Variants in SLC19A3 observed in about 807,000 individuals in gnomAD.
SLC19A3 encodes thiamine transporter 2.
In SLC19A3, 31 loss-of-function variants were observed where a neutral mutation model predicts 40.2. That is an observed-to-expected ratio of 0.77 (90% CI 0.58 to 1.04). The LOEUF is 1.04. Ranked by LOEUF, SLC19A3 falls within the 50% of genes least tolerant of loss-of-function variation. The probability of loss-of-function intolerance (pLI) is 0.00; values close to 1 mark genes in which losing one functional copy is unlikely to be tolerated. For missense variants in SLC19A3, 592 were observed against 596.7 expected (o/e 0.99, Z 0.08); for synonymous variants, 212 against 227.5 (o/e 0.93, Z 0.61).
At chr2:227,711,777 C>T (rs550807515) in intron 1 of SLC19A3, among the ~76,000 whole-genome samples, 1 of 151,834 alleles carries the variant, frequency 6.6e-6, no homozygotes, top group South Asian at 2.1e-4. Context: ...AGGCTGGGCA[C>T]CGTGGCTCAT....
At chr2:227,701,192 C>T in intron 2 of SLC19A3, 2 of 893,452 alleles carry the variant, frequency 2.2e-6, no homozygotes, top group Non-Finnish European at 3.1e-6. Context: ...CACCTCACCA[C>T]CCGAGGCACC....
chr2:227,698,764 C>T lies in SLC19A3; in HGVS notation c.951G>A (p.Gly317=). The T allele has an allele frequency of 6.2e-7, 1 of 1,613,952 alleles. No homozygotes were observed. The highest frequency in any genetic ancestry group is 1.3e-5 in the African/African-American group (1 of 75,038). ...APSQDSSIYN[G]AVEAIATFGG... is the part of the protein sequence containing the mutation. Reference sequence around the variant, plus strand: ...CAAAGGTTGCAATAGCTTCTACGGCCCCATTATAGATGGAAGAATCTTGGG... The same window carrying T: ...CAAAGGTTGCAATAGCTTCTACGGCTCCATTATAGATGGAAGAATCTTGGG... The change falls in exon 3 of 6, where the codon GGG becomes GGA. Residue 317 remains glycine (G), a synonymous_variant. Transcript: ENST00000644224.
intron 1 of SLC19A3, among the ~76,000 whole-genome samples, chr2:227,705,034 T>G (rs970687305): frequency 6.6e-6 from 1 of 152,026 alleles, no homozygotes. Flanking sequence ...GCACCCACCA[T>G]GCCTGGCTAA....
intron 4 of SLC19A3, among the ~76,000 whole-genome samples, chr2:227,692,529 C>A (rs1448090658): frequency 6.6e-6 from 1 of 152,118 alleles, no homozygotes; most frequent in Non-Finnish European, 1.5e-5. Flanking sequence ...CCTCAAAAAA[C>A]TGGGTATAGA....
intron 1 of SLC19A3, among the ~76,000 whole-genome samples, chr2:227,707,225 T>C (rs929267285): frequency 2.6e-5 from 4 of 152,230 alleles, no homozygotes; most frequent in African/African-American, 9.7e-5. Context: ...CACCTTTGCA[T>C]TGCAAGTGGT....
At chr2:227,707,245 TG>T (rs1428175679) in intron 1 of SLC19A3, among the ~76,000 whole-genome samples, 1 of 152,234 alleles carries the variant, frequency 6.6e-6, no homozygotes, top group Non-Finnish European at 1.5e-5. Flanking sequence ...TCACTTCAGT[TG>T]CCTTGGAACT....
chr2:227,685,263 C>T lies in SLC19A3; in HGVS notation c.*2134G>A, dbSNP rs146051563. On this transcript the variant is annotated 3_prime_UTR_variant, in exon 6 of 6. Coordinates refer to ENST00000644224, the MANE Select transcript of SLC19A3 (RefSeq NM_025243.4). Reference sequence around the variant, plus strand: ...CTCACAGGCTATATAGGAAGCGTGGCAACATCTGCTTCTAGGGAGTCCTCG... The same window carrying T: ...CTCACAGGCTATATAGGAAGCGTGGTAACATCTGCTTCTAGGGAGTCCTCG... The T allele has an allele frequency of 3.9e-5, 6 of 152,244 alleles. No homozygotes were observed. The highest frequency in any genetic ancestry group is 1.2e-4 in the African/African-American group (5 of 41,536). The allele number at this position is 152,244 out of a possible 1,614,324, so 9.4% of individuals were successfully genotyped here. A position where few individuals can be genotyped will look rare whatever the true frequency, so the allele number is the denominator to read the frequency against.
Position 227,687,413 on chromosome 2 carries a change from A to G in SLC19A3, c.1475T>C (p.Met492Thr), listed in dbSNP as rs192876801. The part of the protein sequence containing the change: ...SHPEEESNII[M>T]STKL The stretch of plus-strand genomic sequence containing the variant: ...GCGATGAGGTTAGAGTTTTGTTGAC[A>G]TGATGATATTACTCTCTTCCTCTGG... The change falls in exon 6 of 6, where the codon ATG becomes ACG. Residue 492 changes from methionine to threonine, a missense_variant. Transcript: ENST00000644224. The G allele has an allele frequency of 6.2e-7, 1 of 1,610,114 alleles. No homozygotes were observed. Among genetic ancestry groups the G allele is most frequent in the Admixed American group, 1.7e-5 (1 of 59,712 alleles).
At position 227,701,847 on chromosome 2, in the gene SLC19A3, C is replaced by T. The variant is rs1206387989; in HGVS notation, c.150+322G>A. 14 of 263,434 alleles carry T rather than the reference C, an allele frequency of 5.3e-5. No homozygotes were observed. In the East Asian group the frequency reaches 1.2e-3, roughly 22 times the overall value. 16.3% of individuals were successfully genotyped at this position (263,434 alleles called of 1,614,324 possible). A position where few individuals can be genotyped will look rare whatever the true frequency, so the allele number is the denominator to read the frequency against. On this transcript the variant is annotated intron_variant, in intron 2 of 5. Coordinates refer to ENST00000644224, the MANE Select transcript of SLC19A3 (RefSeq NM_025243.4). The stretch of plus-strand genomic sequence containing the variant: ...CTGAGAGTTTATTTAGATCTAGATC[C>T]TGTGCCTGCCAGTGATGCTATTTTA...
intron 1 of SLC19A3, among the ~76,000 whole-genome samples, chr2:227,712,646 A>G (rs1299828096): frequency 1.3e-5 from 2 of 152,356 alleles, no homozygotes; most frequent in Admixed American, 6.5e-5. Context: ...TCATATATTT[A>G]TATTTGTGAA....
At position 227,718,017 on chromosome 2, in the gene SLC19A3, C is replaced by A; in HGVS notation, c.-77G>T. 2.0e-6 allele frequency: 2 copies of A among 985,208 alleles called. No homozygotes were observed. The highest frequency in any genetic ancestry group is 2.4e-6 in the Non-Finnish European group (2 of 829,720). The allele number at this position is 985,208 out of a possible 1,614,324, so 61.0% of individuals were successfully genotyped here. On this transcript the variant is annotated 5_prime_UTR_variant, in exon 1 of 6. Coordinates refer to ENST00000644224, the MANE Select transcript of SLC19A3 (RefSeq NM_025243.4). ...ACGCACCCGCGGCTGTCGGATGGAT[C>A]CAGGCGCTCTTGGTGGGAAGGGGGC... is the stretch of plus-strand genomic sequence containing the variant.
At position 227,687,049 on chromosome 2, in the gene SLC19A3, T is replaced by G. The variant is rs112957132; in HGVS notation, c.*348A>C. ...AGTTAGTATTTCTCCTCACAAATGG[T>G]GAATATCAACTCCAGGATGGCTGGA... is the stretch of plus-strand genomic sequence containing the variant. On this transcript the variant is annotated 3_prime_UTR_variant, in exon 6 of 6. Transcript: ENST00000644224. 539 of 201,124 alleles carry G rather than the reference T, an allele frequency of 2.7e-3. 3 individuals carry two copies. The highest frequency in any genetic ancestry group is 0.011 in the African/African-American group (489 of 42,948). The allele number at this position is 201,124 out of a possible 1,614,324, so 12.5% of individuals were successfully genotyped here. A position where few individuals can be genotyped will look rare whatever the true frequency, so the allele number is the denominator to read the frequency against.
intron 4 of SLC19A3, among the ~76,000 whole-genome samples, chr2:227,693,931 T>C (rs1444190502): frequency 2.6e-5 from 4 of 152,212 alleles, no homozygotes; most frequent in Non-Finnish European, 4.4e-5. Flanking sequence ...CAGATGTTTC[T>C]TTAAAGGCAT....
At chr2:227,698,239 C>A (rs1695518878) in intron 3 of SLC19A3, among the ~76,000 whole-genome samples, 1 of 151,852 alleles carries the variant, frequency 6.6e-6, no homozygotes, top group Non-Finnish European at 1.5e-5. Flanking sequence ...AGGCTCACTG[C>A]AAGCTCAGCC....
At chr2:227,698,693 G>GC (rs764110776) in intron 3 of SLC19A3, 43 bp downstream of exon 3, 8 of 1,539,920 alleles carry the variant, frequency 5.2e-6, no homozygotes, top group Non-Finnish European at 7.2e-6. Flanking sequence ...ATGGACTTAA[G>GC]CGGGTAAAGC....
intron 3 of SLC19A3, among the ~76,000 whole-genome samples, chr2:227,697,498 T>A (rs1695482828): frequency 6.6e-6 from 1 of 152,148 alleles, no homozygotes; most frequent in African/African-American, 2.4e-5. Context: ...TTAAATACCA[T>A]GAGAAAGCTG....
At chr2:227,714,362 G>GT in intron 1 of SLC19A3, 5 of 922,800 alleles carry the variant, frequency 5.4e-6, no homozygotes, top group Non-Finnish European at 6.5e-6. Flanking sequence ...AATAAACCTT[G>GT]TAAGTCTGGC....
rs1695744039 is a variant in SLC19A3, at chr2:227,702,517, C to T, written c.-2-197G>A. 9 of 566,576 alleles carry T rather than the reference C, an allele frequency of 1.6e-5. No individual in the cohort carries two copies. In the Admixed American group the frequency reaches 2.7e-4, roughly 17 times the overall value. The allele number at this position is 566,576 out of a possible 1,614,324, so 35.1% of individuals were successfully genotyped here. ...CAAGCCATTCTCCTGCCTCAGCCTC[C>T]CAAGTAGCTGGGATTACAGGTGCCT... On this transcript the variant is annotated intron_variant, in intron 1 of 5. Coordinates refer to ENST00000644224, the MANE Select transcript of SLC19A3 (RefSeq NM_025243.4).
intron 1 of SLC19A3, chr2:227,706,337 T>C: frequency 8.1e-7 from 1 of 1,231,702 alleles, no homozygotes; most frequent in Non-Finnish European, 1.0e-6. Context: ...GATGTTTACC[T>C]TTCCCCTTCA....
Sources: allele counts gnomAD v4.1 joint callset (sites outside exome capture counted in the v4.1 genomes callset), GRCh38; gene constraint gnomAD v4.1.1; transcripts MANE v1.5; gene names NCBI Gene and HGNC (gene_info 2026-07-23, HGNC 2026-07-21).